Variants in MPRIP observed in about 807,000 individuals in gnomAD.
The protein encoded by MPRIP is myosin phosphatase Rho interacting protein, also known as myosin phosphatase Rho-interacting protein.
Under a neutral mutation model 234.9 loss-of-function variants are expected in MPRIP, and 59 were observed. That is an observed-to-expected ratio of 0.25 (90% CI 0.20 to 0.31). MPRIP has a LOEUF of 0.31. Among genes scored for constraint, MPRIP ranks in the 10% least tolerant of loss-of-function variants. The pLI is 1.00. For missense variants in MPRIP, 2,436 were observed against 3,071.0 expected (o/e 0.79, Z 4.89); for synonymous variants, 1,144 against 1,263.9 (o/e 0.91, Z 2.01).
At chr17:17,092,758 C>T (rs2089748786) in intron 3 of MPRIP, among the ~76,000 whole-genome samples, 1 of 152,170 alleles carries the variant, frequency 6.6e-6, no homozygotes, top group Non-Finnish European at 1.5e-5. Context: ...CTCTCTGTCT[C>T]CTACAGAGAC....
At chr17:17,066,704 C>T (rs1396586928) in intron 1 of MPRIP, among the ~76,000 whole-genome samples, 1 of 132,146 alleles carries the variant, frequency 7.6e-6, no homozygotes, top group Non-Finnish European at 1.6e-5. Context: ...CATGTCAAAC[C>T]CACAGATACT....
Position 17,166,069 on chromosome 17 carries a change from G to A in MPRIP, c.4478G>A (p.Ser1493Asn), listed in dbSNP as rs533383705. 2.4e-4 allele frequency: 317 copies of A among 1,301,220 alleles called. No individual in the cohort carries two copies. The highest frequency in any genetic ancestry group is 3.0e-4 in the Non-Finnish European group (298 of 987,024). The allele number at this position is 1,301,220 out of a possible 1,614,324, so 80.6% of individuals were successfully genotyped here. Reference sequence around the variant, plus strand: ...CAACTGAGATCTCTGCCTAGGGCCAGCCAGGAGGATGAGCAGGACGCACGC... The same window carrying A: ...CAACTGAGATCTCTGCCTAGGGCCAACCAGGAGGATGAGCAGGACGCACGC... ...REQLRSLPRA[S>N]QEDEQDARAA... Residue 1493 changes from serine to asparagine, a missense_variant, in exon 16 of 24, where the codon AGC becomes AAC. By Grantham distance (46) the Ser-to-Asn change is conservative. Around this residue, in one of 4 missense-constraint regions of MPRIP, gnomAD observed 1,998 missense variants for 2,520.3 expected, o/e 0.79. Transcript: ENST00000651222. This position sits in a 1 kb window ranked among gnomAD's most constrained non-coding sequence, Gnocchi z 4.4.
chr17:17,081,042 A>G (rs915892139), intron 3 of MPRIP, among the ~76,000 whole-genome samples: 4 of 152,176 alleles, frequency 2.6e-5, no homozygotes, highest in Admixed American at 6.5e-5. Context: ...CTACCTGGGC[A>G]TTTGTCTCCA....
At chr17:17,171,985 G>A in intron 17 of MPRIP, 120 bp downstream of exon 17, 2 of 1,186,692 alleles carry the variant, frequency 1.7e-6, no homozygotes, top group Non-Finnish European at 1.2e-6. Flanking sequence ...AAACTTCATT[G>A]TTGAAGGGTT....
At chr17:17,137,475 C>G (rs533009414) in intron 6 of MPRIP, among the ~76,000 whole-genome samples, 8 of 148,216 alleles carry the variant, frequency 5.4e-5, no homozygotes, top group African/African-American at 2.0e-4. Flanking sequence ...GATCACACCA[C>G]TGCACTCTAG....
intron 1 of MPRIP, among the ~76,000 whole-genome samples, chr17:17,054,107 T>A (rs2088622303): frequency 6.6e-6 from 1 of 152,160 alleles, no homozygotes. Flanking sequence ...AACATGGAAA[T>A]ACATGTGAGC....
intron 11 of MPRIP, chr17:17,149,861 T>C (rs1321723597): frequency 9.5e-6 from 2 of 210,362 alleles, no homozygotes; most frequent in African/African-American, 4.6e-5. Context: ...GAAGCTCTTC[T>C]AGGGCCACCA....
chr17:17,126,949 T>C, intron 4 of MPRIP, 96 bp downstream of exon 4: 1 of 1,432,402 alleles, frequency 7.0e-7, no homozygotes, highest in African/African-American at 1.4e-5. Context: ...CGATGTTGTC[T>C]ACTTCCCCGT....
At chr17:17,076,099 G>A (rs746405619) in intron 2 of MPRIP, 21 of 257,930 alleles carry the variant, frequency 8.1e-5, no homozygotes, top group Admixed American at 5.4e-4. Flanking sequence ...ATTATACCGA[G>A]CAGCTCCCAA....
At chr17:17,153,458 G>A (rs1451171719) in intron 12 of MPRIP, among the ~76,000 whole-genome samples, 1 of 151,978 alleles carries the variant, frequency 6.6e-6, no homozygotes, top group Non-Finnish European at 1.5e-5. Context: ...GCCCTCCCCT[G>A]CCTGGTACCC....
intron 1 of MPRIP, among the ~76,000 whole-genome samples, chr17:17,051,463 T>C (rs1302578347): frequency 6.6e-6 from 1 of 152,184 alleles, no homozygotes; most frequent in Non-Finnish European, 1.5e-5. Context: ...GGTGGATGGT[T>C]TTCAAGCTTT....
chr17:17,049,865 T>C (rs149092650), intron 1 of MPRIP, among the ~76,000 whole-genome samples: 168 of 152,276 alleles, frequency 1.1e-3, no homozygotes, highest in African/African-American at 3.9e-3. Flanking sequence ...ACATAGGAAA[T>C]TTTAAATTTT....
intron 3 of MPRIP, among the ~76,000 whole-genome samples, chr17:17,112,541 T>C (rs2090193773): frequency 6.6e-6 from 1 of 151,934 alleles, no homozygotes; most frequent in Admixed American, 6.5e-5. Flanking sequence ...GCCCCTGTCC[T>C]CTGTACGTGG....
intron 21 of MPRIP, 49 bp from the exon 22 acceptor site, chr17:17,177,201 C>T (rs764971924): frequency 1.8e-5 from 28 of 1,569,366 alleles, no homozygotes; most frequent in Non-Finnish European, 2.4e-5. Flanking sequence ...GTTGTATGTG[C>T]TCCTCTTTCC....
intron 3 of MPRIP, chr17:17,096,967 A>C: frequency 2.8e-6 from 1 of 360,550 alleles, no homozygotes; most frequent in Non-Finnish European, 5.6e-6. Context: ...ATAAGCACTG[A>C]GACAGGCACA....
chr17:17,136,157 T>C, intron 5 of MPRIP, 62 bp from the exon 6 acceptor site: 1 of 1,597,348 alleles, frequency 6.3e-7, no homozygotes, highest in Non-Finnish European at 8.6e-7. Context: ...AGCCAGGACC[T>C]GTGACCCAAC....
At chr17:17,114,128 A>G (rs566239379) in intron 3 of MPRIP, among the ~76,000 whole-genome samples, 4 of 152,086 alleles carry the variant, frequency 2.6e-5, no homozygotes, top group African/African-American at 4.8e-5. Context: ...TCTGGCCCCA[A>G]GCAATCCTCC....
At chr17:17,085,644 T>A (rs1168551026) in intron 3 of MPRIP, among the ~76,000 whole-genome samples, 1 of 152,208 alleles carries the variant, frequency 6.6e-6, no homozygotes, top group African/African-American at 2.4e-5. Context: ...CTGGGTGTGG[T>A]GGCTCACGCC....
At chr17:17,077,329 G>A (rs147280548) in intron 2 of MPRIP, 1 of 152,834 alleles carries the variant, frequency 6.5e-6, no homozygotes, top group East Asian at 1.9e-4. Context: ...TTCAGCTCCT[G>A]ATGGCATCTG....
Sources: allele counts gnomAD v4.1 joint callset (sites outside exome capture counted in the v4.1 genomes callset), GRCh38; gene constraint gnomAD v4.1.1; regional missense constraint gnomAD v4.1.1; non-coding constraint Gnocchi (gnomAD v3.1); transcripts MANE v1.5; gene names NCBI Gene and HGNC (gene_info 2026-07-23, HGNC 2026-07-21).